Variants in PLPPR3 observed in about 807,000 individuals in gnomAD.
PLPPR3 encodes phospholipid phosphatase-related protein type 3.
A neutral mutation model predicts 27.3 loss-of-function variants in PLPPR3; 14 were observed. That is an observed-to-expected ratio of 0.51 (90% CI 0.34 to 0.80). The LOEUF is 0.80. Among genes scored for constraint, PLPPR3 ranks in the 30% least tolerant of loss-of-function variants. The pLI, the probability that PLPPR3 is intolerant of heterozygous loss-of-function variation, is 0.01. For missense variants in PLPPR3, 1,287 were observed against 1,056.9 expected, an observed-to-expected ratio of 1.22 and a Z score of -3.02; for synonymous variants, 671 against 508.0, an observed-to-expected ratio of 1.32 and a Z score of -4.32.
intron 2 of PLPPR3, among the ~76,000 whole-genome samples, chr19:820,216 C>T (rs577317867): frequency 1.2e-3 from 179 of 152,140 alleles, no homozygotes; most frequent in Middle Eastern, 6.9e-3. Context: ...GAGACAGAGT[C>T]TCTGTCATCC....
chr19:821,980 G>C (rs2035155927), upstream of PLPPR3: 1 of 155,586 alleles, frequency 6.4e-6, no homozygotes, highest in South Asian at 2.1e-4. Context: ...AGCCGGGAAG[G>C]GGAGGGGGAC....
Position 815,651 on chromosome 19 carries a change from G to A in PLPPR3, c.261+15C>T, listed in dbSNP as rs201205687. On this transcript the variant is annotated intron_variant, in intron 3 of 7. Coordinates refer to ENST00000520876, the MANE Select transcript of PLPPR3 (RefSeq NM_001270366.2). Reference sequence around the variant, plus strand: ...GTGCCCACAGGCTGGCACAGGCCCCGGTGCAGGTGCTCACCGAGGCGGCAG... The same window carrying A: ...GTGCCCACAGGCTGGCACAGGCCCCAGTGCAGGTGCTCACCGAGGCGGCAG... The A allele has an allele frequency of 7.5e-5, 118 of 1,563,368 alleles. No homozygotes were observed. In the African/African-American group the frequency reaches 1.1e-3, roughly 14 times the overall value.
chr19:821,272 C>T (rs1215806583), intron 2 of PLPPR3, among the ~76,000 whole-genome samples: 3 of 150,646 alleles, frequency 2.0e-5, no homozygotes, highest in Admixed American at 1.3e-4. Context: ...GTTCCCACGG[C>T]CTGGACCCCC....
intron 2 of PLPPR3, among the ~76,000 whole-genome samples, chr19:818,595 G>A (rs994026141): frequency 2.6e-5 from 4 of 151,562 alleles, no homozygotes; most frequent in African/African-American, 2.4e-5. Context: ...GTGCAGTGGC[G>A]CGATCTCGGC....
chr19:813,158 G>C lies in PLPPR3; in HGVS notation c.1569C>G (p.Ala523=). The change falls in exon 8 of 8, where the codon GCC becomes GCG. Residue 523 remains alanine (A), a synonymous_variant. Transcript: ENST00000520876. This position sits in a 1 kb window ranked among gnomAD's most constrained non-coding sequence, Gnocchi z 4.1. ...TGGCCACTGCCGCCCCGCTCTTCTC[G>C]GCCATCATGAGCCACTTGGCGCGCA... ...AGVRAKWLMM[A]EKSGAAVANP... is the part of the protein sequence containing the mutation. 2 of 1,523,296 alleles carry C rather than the reference G, an allele frequency of 1.3e-6. No homozygotes were observed. Among genetic ancestry groups the C allele is most frequent in the South Asian group, 1.2e-5 (1 of 83,086 alleles). The allele number at this position is 1,523,296 out of a possible 1,614,324, so 94.4% of individuals were successfully genotyped here.
chr19:815,549 G>C, intron 3 of PLPPR3, 117 bp downstream of exon 3: 3 of 1,216,880 alleles, frequency 2.5e-6, no homozygotes, highest in Non-Finnish European at 2.3e-6. Context: ...GGCTGGCACA[G>C]GCCCCGGTGT....
At chr19:818,688 C>T (rs906671354) in intron 2 of PLPPR3, among the ~76,000 whole-genome samples, 5 of 151,488 alleles carry the variant, frequency 3.3e-5, no homozygotes, top group African/African-American at 4.8e-5. Context: ...CGCCCGCCAC[C>T]GCGCCCGGCT....
In PLPPR3 at chr19:813,558, C is replaced by T. The variant is rs867045160; in HGVS notation, c.1169G>A (p.Arg390His). ...CGGCACGTGGATGGTCATGTGGCGG[C>T]GCGCGGGGTCGTCCAGCGAGGGCGC... The part of the protein sequence containing the change: ...ASAPSLDDPA[R>H]RHMTIHVPLD... The change falls in exon 8 of 8, where the codon CGC becomes CAC. Residue 390 changes from arginine (R) to histidine (H), a missense_variant. Physicochemically the swap from Arg to His is conservative, Grantham distance 29. Coordinates refer to ENST00000520876, the MANE Select transcript of PLPPR3 (RefSeq NM_001270366.2). This position sits in a 1 kb window ranked among gnomAD's most constrained non-coding sequence, Gnocchi z 4.1. 5 of 1,558,430 alleles carry T rather than the reference C, an allele frequency of 3.2e-6. No homozygotes were observed. Among genetic ancestry groups the T allele is most frequent in the Non-Finnish European group, 4.3e-6 (5 of 1,153,682 alleles).
chr19:815,934 C>T (rs745822126), intron 2 of PLPPR3, 83 bp from the exon 3 acceptor site: 9 of 1,390,912 alleles, frequency 6.5e-6, no homozygotes, highest in Non-Finnish European at 8.9e-6. Flanking sequence ...CAGGGCCATC[C>T]ACCGTCTCAC....
intron 2 of PLPPR3, among the ~76,000 whole-genome samples, chr19:818,960 TATTATTATTA>T (rs2035105121): frequency 3.3e-5 from 2 of 60,878 alleles, no homozygotes; most frequent in African/African-American, 1.7e-4. Flanking sequence ...CGCTCGGCCT[TATTATTATTA>T]TTTTATTTAT....
Position 813,710 on chromosome 19 carries a change from C to T in PLPPR3, c.1017G>A (p.Val339=), listed in dbSNP as rs2034994582. 2.6e-6 allele frequency: 4 copies of T among 1,527,496 alleles called. No individual in the cohort carries two copies. The highest frequency in any genetic ancestry group is 1.8e-6 in the Non-Finnish European group (2 of 1,142,684). 94.6% of individuals were successfully genotyped at this position (1,527,496 alleles called of 1,614,324 possible). Residue 339 remains valine (V), a synonymous_variant, in exon 8 of 8, where the codon GTG becomes GTA. Transcript: ENST00000520876. This position sits in a 1 kb window ranked among gnomAD's most constrained non-coding sequence, Gnocchi z 4.1. ...TGCCCAGCGAGGTCTTCTCGCGGGC[C>T]ACGGGCCGGGGCGCGCCCTCCAGCC... ...PGRLEGAPRP[V]AREKTSLGSL...
In PLPPR3 at chr19:814,075, G is replaced by A. The variant is rs1052164517; in HGVS notation, c.832-180C>T. Among the ~76,000 whole-genome samples the A allele has an allele frequency of 2.0e-5, 3 of 152,108 alleles. No individual in the cohort carries two copies. In the South Asian group the frequency reaches 6.2e-4, roughly 31 times the overall value. On this transcript the variant is annotated intron_variant, in intron 7 of 7. Coordinates refer to ENST00000520876, the MANE Select transcript of PLPPR3 (RefSeq NM_001270366.2). The stretch of plus-strand genomic sequence containing the variant: ...GCACATCGGGCAGGTCTGAGCCCAC[G>A]GGATTCTGACTCCAGCATTCCAAGG...
Position 813,701 on chromosome 19 carries a change from C to G in PLPPR3, c.1026G>C (p.Glu342Asp). 5.2e-6 allele frequency: 8 copies of G among 1,529,136 alleles called. No individual in the cohort carries two copies. Among genetic ancestry groups the G allele is most frequent in the Non-Finnish European group, 7.0e-6 (8 of 1,143,216 alleles). 94.7% of individuals were successfully genotyped at this position (1,529,136 alleles called of 1,614,324 possible). Residue 342 changes from glutamate (E) to aspartate (D), a missense_variant, in exon 8 of 8, where the codon GAG becomes GAC. By Grantham distance (45) the Glu-to-Asp change is conservative. Transcript: ENST00000520876. This position sits in a 1 kb window ranked among gnomAD's most constrained non-coding sequence, Gnocchi z 4.1. Reference sequence around the variant, plus strand: ...GCTTCAGGCTGCCCAGCGAGGTCTTCTCGCGGGCCACGGGCCGGGGCGCGC... The same window carrying G: ...GCTTCAGGCTGCCCAGCGAGGTCTTGTCGCGGGCCACGGGCCGGGGCGCGC... ...LEGAPRPVAREKTSLGSLKRA... is the reference protein window; with the variant it reads ...LEGAPRPVARDKTSLGSLKRA...
rs768363982 is a variant in PLPPR3, at chr19:814,681, G to A, written c.657+11C>T. ...GAGGGCCTGGGAAGGGCAGTGAGGG[G>A]CCGGACTCACCGACACATAGACCGC... On this transcript the variant is annotated intron_variant, in intron 6 of 7. Coordinates refer to ENST00000520876, the MANE Select transcript of PLPPR3 (RefSeq NM_001270366.2). 5.0e-6 allele frequency: 8 copies of A among 1,604,554 alleles called. No homozygotes were observed. In the South Asian group the frequency reaches 5.5e-5, roughly 11 times the overall value.
intron 2 of PLPPR3, 61 bp downstream of exon 2, chr19:821,424 G>T: frequency 2.8e-6 from 4 of 1,442,978 alleles, no homozygotes; most frequent in Non-Finnish European, 2.8e-6. Context: ...CAGCGCGGGG[G>T]TCTCTGCGGG....
Position 815,294 on chromosome 19 carries a change from G to A in PLPPR3, c.295C>T (p.Gln99Ter). The A allele has an allele frequency of 6.4e-7, 1 of 1,550,440 alleles. No individual in the cohort carries two copies. The highest frequency in any genetic ancestry group is 8.7e-7 in the Non-Finnish European group (1 of 1,148,932). ...MVAEGMLYCL[Q>*]SRLWGRAGGP... Reference sequence around the variant, plus strand: ...CCGGCACGGCCCCACAGCCGGGACTGCAGACAGTACAACATGCCCTCGGCC... The same window carrying A: ...CCGGCACGGCCCCACAGCCGGGACTACAGACAGTACAACATGCCCTCGGCC... The change falls in exon 4 of 8, where the codon CAG becomes TAG. Residue 99 changes from glutamine to a stop codon, truncating the protein, a stop_gained. Coordinates refer to ENST00000520876, the MANE Select transcript of PLPPR3 (RefSeq NM_001270366.2). LOFTEE classifies it high-confidence loss of function.
At position 813,379 on chromosome 19, in the gene PLPPR3, C is replaced by T. The variant is rs1260622953; in HGVS notation, c.1348G>A (p.Glu450Lys). The change falls in exon 8 of 8, where the codon GAG becomes AAG. Residue 450 changes from glutamate to lysine, a missense_variant. Coordinates refer to ENST00000520876, the MANE Select transcript of PLPPR3 (RefSeq NM_001270366.2). This position sits in a 1 kb window ranked among gnomAD's most constrained non-coding sequence, Gnocchi z 4.1. ...TCCTCTTCCTCCTCCTCCTCTTCCT[C>T]TTCGTCCTCCTCCTCTTCCTCCTCC... ...AEEEEEEEDEEEEEEEEEEED... is the reference protein window; with the variant it reads ...AEEEEEEEDEKEEEEEEEEED... 9.3e-6 allele frequency: 14 copies of T among 1,498,576 alleles called. No homozygotes were observed. In the East Asian group the frequency reaches 2.8e-4, roughly 30 times the overall value. The allele number at this position is 1,498,576 out of a possible 1,614,324, so 92.8% of individuals were successfully genotyped here. A position where few individuals can be genotyped will look rare whatever the true frequency, so the allele number is the denominator to read the frequency against.
At chr19:821,620 G>T (rs895574767) in intron 1 of PLPPR3, 35 bp from the exon 2 acceptor site, 1 of 1,311,878 alleles carries the variant, frequency 7.6e-7, no homozygotes, top group Non-Finnish European at 1.0e-6. Context: ...AGGGGGGCGC[G>T]CAGGCGGAGC....
Position 814,645 on chromosome 19 carries a change from C to A in PLPPR3, c.658-38G>T, listed in dbSNP as rs368660506. ...GGTTGGGGTCAGGGAGGGCTCCCCACGGGTCAGCAAGAGGGCCTGGGAAGG... is the reference window on the plus strand; with the variant it reads ...GGTTGGGGTCAGGGAGGGCTCCCCAAGGGTCAGCAAGAGGGCCTGGGAAGG... On this transcript the variant is annotated intron_variant, in intron 6 of 7. Coordinates refer to ENST00000520876, the MANE Select transcript of PLPPR3 (RefSeq NM_001270366.2). 10 of 1,610,002 alleles carry A rather than the reference C, an allele frequency of 6.2e-6. No individual in the cohort carries two copies. In the East Asian group the frequency reaches 2.2e-4, roughly 36 times the overall value.
Sources: gnomAD v4.1 joint callset for allele counts (sites outside exome capture counted in the v4.1 genomes callset) on GRCh38, gnomAD v4.1.1 for gene constraint, Gnocchi (gnomAD v3.1) non-coding constraint, MANE v1.5 for transcripts, NCBI Gene and HGNC (gene_info 2026-07-23, HGNC 2026-07-21) for gene names.